The following ABR variants were observed in gnomAD, a reference collection of about 807,000 sequenced individuals.
ABR encodes ABR activator of RhoGEF and GTPase.
ABR carries 35 observed loss-of-function variants against 107.2 expected under a neutral mutation model. That is an observed-to-expected ratio of 0.33 (90% CI 0.25 to 0.43). The LOEUF is 0.43. Ranked by LOEUF, ABR falls within the 20% of genes least tolerant of loss-of-function variation. The pLI is 1.00. For synonymous variants in ABR, 498 were observed against 462.0 expected (o/e 1.08, Z -1.00); for missense variants, 815 against 1,115.2 (o/e 0.73, Z 3.83).
Position 1,011,570 on chromosome 17 carries a change from C to A in ABR, c.2101+276G>T. 1 of 296,854 alleles carries A rather than the reference C, an allele frequency of 3.4e-6. No homozygotes were observed. The highest frequency in any genetic ancestry group is 6.2e-6 in the Non-Finnish European group (1 of 160,426). 18.4% of individuals were successfully genotyped at this position (296,854 alleles called of 1,614,324 possible). ...GAACTAGCAAGAAAGACACTGGAGT[C>A]AGATCTGAGTTTTAAGTCCAGAACC... On this transcript the variant is annotated intron_variant, in intron 19 of 22. Coordinates refer to ENST00000302538, the MANE Select transcript of ABR (RefSeq NM_021962.5). The surrounding 1 kb of genome is among the most constrained non-coding windows in gnomAD (Gnocchi z 4.8).
rs916567619 is a variant in ABR, at chr17:1,108,175, T to C, written c.247-7440A>G. Among the ~76,000 whole-genome samples, 17 of 152,204 alleles carry C rather than the reference T, an allele frequency of 1.1e-4. 1 individual carries two copies. The highest frequency in any genetic ancestry group is 4.1e-4 in the African/African-American group (17 of 41,452). On this transcript the variant is annotated intron_variant, in intron 2 of 22. Coordinates refer to ENST00000302538, the MANE Select transcript of ABR (RefSeq NM_021962.5). ...CTGAGCAAAAGGCTGAGGTGGAAGC[T>C]CTGAGAGGTGTGTCCAGGAGAGAAA...
chr17:1,165,513 A>G (rs2041468333), intron 1 of ABR, among the ~76,000 whole-genome samples: 1 of 152,214 alleles, frequency 6.6e-6, no homozygotes, highest in African/African-American at 2.4e-5. Flanking sequence ...ATAGTTCCAC[A>G]GCCCAGAGTG....
At chr17:1,077,104 C>T (rs1220074559) in intron 6 of ABR, among the ~76,000 whole-genome samples, 1 of 152,244 alleles carries the variant, frequency 6.6e-6, no homozygotes, top group African/African-American at 2.4e-5. Context: ...AGGCCAGAGA[C>T]TTGTGGCTAC....
chr17:1,135,377 C>CTTTTTT (rs71148437), intron 1 of ABR, among the ~76,000 whole-genome samples: 3 of 51,382 alleles, frequency 5.8e-5, no homozygotes, highest in Non-Finnish European at 5.8e-5. Flanking sequence ...TTCTTTTTGT[C>CTTTTTT]TTTTTTTTTT....
chr17:1,083,112 A>G (rs1157946561), intron 5 of ABR, among the ~76,000 whole-genome samples: 2 of 143,568 alleles, frequency 1.4e-5, no homozygotes, highest in Non-Finnish European at 3.0e-5. Flanking sequence ...CGACAGAGCA[A>G]GACTCTGTCT....
At chr17:1,057,806 T>C in intron 12 of ABR, 164 bp downstream of exon 12, 1 of 619,404 alleles carries the variant, frequency 1.6e-6, no homozygotes, top group African/African-American at 1.8e-5. Context: ...TTAGATTCTT[T>C]GGGTCTCAAT....
chr17:1,082,025 G>A (rs564772261), intron 5 of ABR, among the ~76,000 whole-genome samples: 2 of 152,192 alleles, frequency 1.3e-5, no homozygotes, highest in South Asian at 4.2e-4. Flanking sequence ...CTGCCTCTCG[G>A]TGGATTCTAA....
chr17:1,173,088 C>A (rs536551126), intron 1 of ABR, among the ~76,000 whole-genome samples: 1 of 85,802 alleles, frequency 1.2e-5, no homozygotes, highest in African/African-American at 4.1e-5. Context: ...GTCCACCCCC[C>A]CCATCATCTC....
chr17:1,201,907 G>T (rs2042679178), intron 1 of ABR, among the ~76,000 whole-genome samples: 2 of 152,180 alleles, frequency 1.3e-5, no homozygotes, highest in Non-Finnish European at 2.9e-5. Context: ...TCGATCTCCT[G>T]ACCTCGTGAT....
intron 2 of ABR, among the ~76,000 whole-genome samples, chr17:1,112,541 G>A (rs1268604332): frequency 6.8e-6 from 1 of 147,380 alleles, no homozygotes. Context: ...AGGCTGCAAT[G>A]AGCTATGATC....
In ABR at chr17:1,193,866, T is replaced by C. The variant is rs1475890500; in HGVS notation, c.838+34927A>G. Among the ~76,000 whole-genome samples the C allele has an allele frequency of 2.6e-5, 4 of 152,028 alleles. No individual in the cohort carries two copies. The East Asian group carries it at 7.8e-4, about 30-fold the overall frequency. ...CCACCACGCCCAGCTAATTTTTTTT[T>C]TGTATTTTTAATAGAGACGGGGTTT... On this transcript the variant is annotated intron_variant, in intron 1 of 22. Coordinates refer to the ABR transcript ENST00000574139.
chr17:1,080,868 G>A (rs1210284376), intron 5 of ABR, among the ~76,000 whole-genome samples: 1 of 152,138 alleles, frequency 6.6e-6, no homozygotes, highest in Non-Finnish European at 1.5e-5. Context: ...GTGAAGTCTA[G>A]GGTATGAAAT....
chr17:1,078,332 G>A lies in ABR; in HGVS notation c.700+998C>T, dbSNP rs1033617195. Among the ~76,000 whole-genome samples the A allele has an allele frequency of 1.3e-5, 2 of 151,934 alleles. No homozygotes were observed. The highest frequency in any genetic ancestry group is 4.2e-4 in the South Asian group (2 of 4,812). Reference sequence around the variant, plus strand: ...CAATACCGTGCCGCCCAGCCTCCGCGCCTCTCTCCAGAAACAAAGAAACTC... The same window carrying A: ...CAATACCGTGCCGCCCAGCCTCCGCACCTCTCTCCAGAAACAAAGAAACTC... On this transcript the variant is annotated intron_variant, in intron 6 of 22. Transcript: ENST00000302538. This position sits in a 1 kb window ranked among gnomAD's most constrained non-coding sequence, Gnocchi z 7.5.
In ABR at chr17:1,210,240, G is replaced by A. The variant is rs547585394; in HGVS notation, c.838+18553C>T. Among the ~76,000 whole-genome samples the A allele has an allele frequency of 5.6e-4, 86 of 152,314 alleles. No homozygotes were observed. Among genetic ancestry groups the A allele is most frequent in the African/African-American group, 2.0e-3 (82 of 41,584 alleles). ...AAAGTTCTGACCTAAGCCGGGCGCC[G>A]TGGCTCACACCTGTAATCCCAACTC... On this transcript the variant is annotated intron_variant, in intron 1 of 22. Coordinates refer to the ABR transcript ENST00000574139. The surrounding 1 kb of genome is among the most constrained non-coding windows in gnomAD (Gnocchi z 5.6).
chr17:1,072,320 T>C (rs1440185948), intron 8 of ABR, among the ~76,000 whole-genome samples: 2 of 152,110 alleles, frequency 1.3e-5, no homozygotes, highest in African/African-American at 4.8e-5. Flanking sequence ...TGGCTGGGAA[T>C]GGGGGATCAG....
Position 1,058,733 on chromosome 17 carries a change from A to G in ABR, c.1305+12T>C, listed in dbSNP as rs755751566. Reference sequence around the variant, plus strand: ...AAGGGGCTGTCTTGGTCCCACCCCCACCCATCCTGACCTTTCCATTCCGAT... The same window carrying G: ...AAGGGGCTGTCTTGGTCCCACCCCCGCCCATCCTGACCTTTCCATTCCGAT... On this transcript the variant is annotated intron_variant, in intron 11 of 22. Coordinates refer to ENST00000302538, the MANE Select transcript of ABR (RefSeq NM_021962.5). 1 of 1,613,276 alleles carries G rather than the reference A, an allele frequency of 6.2e-7. No individual in the cohort carries two copies. Among genetic ancestry groups the G allele is most frequent in the Non-Finnish European group, 8.5e-7 (1 of 1,179,634 alleles).
At chr17:1,046,923 T>C (rs530492439) in intron 16 of ABR, among the ~76,000 whole-genome samples, 1 of 152,360 alleles carries the variant, frequency 6.6e-6, no homozygotes, top group East Asian at 1.9e-4. Flanking sequence ...GCACAAGTGC[T>C]GGACACACAT....
In ABR at chr17:1,044,201, G is replaced by C. The variant is rs1014903570; in HGVS notation, c.1791+5849C>G. 1.2e-4 allele frequency among the ~76,000 whole-genome samples: 18 copies of C among 152,104 alleles called. 2 individuals carry two copies. The highest frequency in any genetic ancestry group is 6.2e-4 in the South Asian group (3 of 4,812). ...GGGGCAGGGGCAAGAGCCGGTGGAGGGGGGGCTCCCAGCTAAGCGGACCTG... is the reference window on the plus strand; with the variant it reads ...GGGGCAGGGGCAAGAGCCGGTGGAGCGGGGGCTCCCAGCTAAGCGGACCTG... On this transcript the variant is annotated intron_variant, in intron 16 of 22. Transcript: ENST00000302538.
At chr17:1,112,912 A>C (rs1314570252) in intron 2 of ABR, among the ~76,000 whole-genome samples, 1 of 128,160 alleles carries the variant, frequency 7.8e-6, no homozygotes. Flanking sequence ...CCCAATCAGC[A>C]AGCATTTGTT....
Sources: allele counts gnomAD v4.1 joint callset (sites outside exome capture counted in the v4.1 genomes callset), GRCh38; gene constraint gnomAD v4.1.1; non-coding constraint Gnocchi (gnomAD v3.1); transcripts MANE v1.5; gene names NCBI Gene and HGNC (gene_info 2026-07-23, HGNC 2026-07-21).